ASTN2: variants seen among roughly 807,000 people sequenced by gnomAD.
ASTN2 encodes astrotactin 2.
ASTN2 carries 54 observed loss-of-function variants against 139.8 expected under a neutral mutation model. The observed-to-expected ratio is 0.39, with a 90% CI of 0.31 to 0.48. The LOEUF (loss-of-function observed/expected upper bound fraction) is 0.48. Ranked by LOEUF, ASTN2 falls within the 20% of genes least tolerant of loss-of-function variation. The pLI, the probability that ASTN2 is intolerant of heterozygous loss-of-function variation, is 0.95. For synonymous variants in ASTN2, 756 were observed against 719.5 expected (o/e 1.05, Z -0.81); for missense variants, 1,565 against 1,725.1 (o/e 0.91, Z 1.64).
intron 1 of ASTN2, among the ~76,000 whole-genome samples, chr9:117,299,516 CT>C (rs1202695331): frequency 2.0e-5 from 3 of 152,138 alleles, no homozygotes; most frequent in Admixed American, 2.0e-4. Flanking sequence ...CAAGAGGGCA[CT>C]TCAGATGGAG....
intron 10 of ASTN2, among the ~76,000 whole-genome samples, chr9:116,956,013 G>A (rs986112241): frequency 3.3e-5 from 5 of 151,812 alleles, no homozygotes; most frequent in Non-Finnish European, 7.4e-5. Flanking sequence ...ACAGCAGAAC[G>A]AACTGAGAGC....
rs181278105 is a variant in ASTN2, at chr9:116,556,334, G to T, written c.3355+61990C>A. On this transcript the variant is annotated intron_variant, in intron 19 of 22. Transcript: ENST00000313400. Reference sequence around the variant, plus strand: ...ACATCCATGGTTTTTAAGCTGTAGGGCTCTTTAAAAGTGCCCAGAGGGCTG... The same window carrying T: ...ACATCCATGGTTTTTAAGCTGTAGGTCTCTTTAAAAGTGCCCAGAGGGCTG... Among the ~76,000 whole-genome samples the T allele has an allele frequency of 1.7e-4, 26 of 152,250 alleles. No homozygotes were observed. The East Asian group carries it at 4.9e-3, about 28-fold the overall frequency.
chr9:117,362,859 C>A (rs1336935254), intron 1 of ASTN2, among the ~76,000 whole-genome samples: 1 of 152,078 alleles, frequency 6.6e-6, no homozygotes, highest in Non-Finnish European at 1.5e-5. Flanking sequence ...ACAGTAAAAA[C>A]CCACACCAGT....
At chr9:117,403,333 C>T (rs7467917) in intron 1 of ASTN2, among the ~76,000 whole-genome samples, 22,297 of 152,182 alleles carry the variant, frequency 0.15, 2,148 homozygotes, top group East Asian at 0.36. Flanking sequence ...GGAAAGGAAG[C>T]ATTGAATAAG....
chr9:116,742,246 T>C (rs752848287), intron 13 of ASTN2, among the ~76,000 whole-genome samples: 9 of 152,266 alleles, frequency 5.9e-5, no homozygotes, highest in South Asian at 2.1e-4. Context: ...CGAAGTTCCC[T>C]TCTCTATCAA....
chr9:117,208,040 A>G (rs74793136), intron 3 of ASTN2, among the ~76,000 whole-genome samples: 2,440 of 152,320 alleles, frequency 0.016, 60 homozygotes, highest in African/African-American at 0.057. Flanking sequence ...CAATAAAATC[A>G]GAAGTAATAA....
chr9:117,012,944 T>C (rs553347690), intron 6 of ASTN2, among the ~76,000 whole-genome samples: 1 of 152,324 alleles, frequency 6.6e-6, no homozygotes, highest in East Asian at 1.9e-4. Flanking sequence ...GGCGTCTGCC[T>C]ACTGAGAACT....
intron 16 of ASTN2, among the ~76,000 whole-genome samples, chr9:116,696,667 T>G (rs1860868954): frequency 6.6e-6 from 1 of 152,196 alleles, no homozygotes; most frequent in African/African-American, 2.4e-5. Context: ...TAGTACCACT[T>G]TCTGCCTTCA....
At chr9:116,471,494 G>C (rs1848811008) in intron 20 of ASTN2, among the ~76,000 whole-genome samples, 1 of 152,154 alleles carries the variant, frequency 6.6e-6, no homozygotes, top group South Asian at 2.1e-4. Flanking sequence ...ACCCAGCCAG[G>C]GGTCTTTGGG....
intron 6 of ASTN2, among the ~76,000 whole-genome samples, chr9:117,014,186 A>G (rs575910267): frequency 3.3e-5 from 5 of 152,252 alleles, no homozygotes; most frequent in South Asian, 4.1e-4. Context: ...TGAAGATCAT[A>G]TCTACTATCA....
chr9:117,155,451 C>T (rs958566295), intron 3 of ASTN2, among the ~76,000 whole-genome samples: 1 of 151,806 alleles, frequency 6.6e-6, no homozygotes, highest in Non-Finnish European at 1.5e-5. Flanking sequence ...TCTTATATTG[C>T]TAATGTGCAC....
Position 117,408,478 on chromosome 9 carries a change from T to G in ASTN2, c.442+6019A>C, listed in dbSNP as rs187935421. Among the ~76,000 whole-genome samples the G allele has an allele frequency of 1.0e-3, 157 of 152,230 alleles. 1 individual carries two copies. Among genetic ancestry groups the G allele is most frequent in the Middle Eastern group, 3.4e-3 (1 of 294 alleles). On this transcript the variant is annotated intron_variant, in intron 1 of 22. Transcript: ENST00000313400. ...TCAAGAGGTCGCTGTCAGTCTATCC[T>G]CCTCTCCCCACATCACACATATTCA...
At chr9:116,540,690 GAAAGGAGCAC>G (rs1429198990) in intron 19 of ASTN2, 4 of 152,316 alleles carry the variant, frequency 2.6e-5, no homozygotes, top group African/African-American at 9.6e-5. Flanking sequence ...TTTCCAAAAG[GAAAGGAGCAC>G]AATAGAAGAG....
At chr9:117,405,573 C>T (rs1451420041) in intron 1 of ASTN2, among the ~76,000 whole-genome samples, 2 of 152,152 alleles carry the variant, frequency 1.3e-5, no homozygotes, top group Non-Finnish European at 2.9e-5. Context: ...TTCCCAGCTG[C>T]CCTTCCCTAA....
At chr9:116,724,546 C>T (rs1018794593) in intron 16 of ASTN2, among the ~76,000 whole-genome samples, 2 of 152,118 alleles carry the variant, frequency 1.3e-5, no homozygotes, top group African/African-American at 4.8e-5. Context: ...GAGCACCCCA[C>T]TTGGTCTTGG....
chr9:116,902,169 A>C (rs914077644), intron 10 of ASTN2, among the ~76,000 whole-genome samples: 1 of 152,232 alleles, frequency 6.6e-6, no homozygotes. Context: ...ACAGCTCCAT[A>C]TGTGTTACTG....
intron 16 of ASTN2, among the ~76,000 whole-genome samples, chr9:116,696,818 T>C (rs1860878663): frequency 6.6e-6 from 1 of 152,142 alleles, no homozygotes. Flanking sequence ...AGTAGGAGGA[T>C]AGATGCGTGG....
In ASTN2 at chr9:117,026,504, T is replaced by A. The variant is rs538416142; in HGVS notation, c.1423+13315A>T. Among the ~76,000 whole-genome samples, 98 of 152,282 alleles carry A rather than the reference T, an allele frequency of 6.4e-4. 1 individual carries two copies. The highest frequency in any genetic ancestry group is 2.3e-3 in the African/African-American group (97 of 41,576). On this transcript the variant is annotated intron_variant, in intron 6 of 22. Coordinates refer to ENST00000313400, the MANE Select transcript of ASTN2 (RefSeq NM_001365068.1). ...GGGATCCCAGGTGGCAGATGCCACA[T>A]CATCTTTGACTCTTCCTCTTCCTTG...
chr9:117,031,271 T>C (rs1056876951), intron 6 of ASTN2, among the ~76,000 whole-genome samples: 1 of 152,174 alleles, frequency 6.6e-6, no homozygotes, highest in African/African-American at 2.4e-5. Flanking sequence ...TTAGGGCTTC[T>C]GGGTCCACCG....
Sources: gnomAD v4.1 joint callset for allele counts (sites outside exome capture counted in the v4.1 genomes callset) on GRCh38, gnomAD v4.1.1 for gene constraint, MANE v1.5 for transcripts, NCBI Gene and HGNC (gene_info 2026-07-23, HGNC 2026-07-21) for gene names.